The following DYNC1I1 variants were observed in gnomAD, a reference collection of about 807,000 sequenced individuals.
DYNC1I1 encodes the protein cytoplasmic dynein 1 intermediate chain 1.
DYNC1I1 carries 43 observed loss-of-function variants against 86.6 expected under a neutral mutation model. That is an observed-to-expected ratio of 0.50 (90% confidence interval 0.39 to 0.64). DYNC1I1 has a LOEUF of 0.64. DYNC1I1 is among the 30% of genes least tolerant of loss of function. The pLI is 0.00. For missense variants in DYNC1I1, 604 were observed against 788.8 expected (o/e 0.77, Z 2.81); for synonymous variants, 262 against 283.7 (o/e 0.92, Z 0.77).
chr7:95,867,840 C>A (rs1237973044), intron 5 of DYNC1I1, among the ~76,000 whole-genome samples: 1 of 152,212 alleles, frequency 6.6e-6, no homozygotes, highest in African/African-American at 2.4e-5. Flanking sequence ...CACTGGGCTA[C>A]TAAGCAGCGG....
At chr7:95,944,403 G>A (rs1426358468) in intron 6 of DYNC1I1, among the ~76,000 whole-genome samples, 1 of 152,180 alleles carries the variant, frequency 6.6e-6, no homozygotes, top group East Asian at 1.9e-4. Flanking sequence ...TGGAGAAATA[G>A]GAACACTTTT....
chr7:96,082,032 C>G (rs1451039698), intron 16 of DYNC1I1, among the ~76,000 whole-genome samples: 1 of 152,122 alleles, frequency 6.6e-6, no homozygotes, highest in Non-Finnish European at 1.5e-5. Context: ...TTAATATTGG[C>G]CCCAGTGGTG....
At chr7:96,053,159 C>T (rs567691284) in intron 14 of DYNC1I1, among the ~76,000 whole-genome samples, 3 of 152,172 alleles carry the variant, frequency 2.0e-5, no homozygotes, top group South Asian at 2.1e-4. Context: ...CATGAGGCTG[C>T]CCCGCCCAAT....
chr7:95,939,679 GC>G, intron 6 of DYNC1I1, among the ~76,000 whole-genome samples: 1 of 151,186 alleles, frequency 6.6e-6, no homozygotes, highest in East Asian at 1.9e-4. Flanking sequence ...TTTATTTTGA[GC>G]CTATGTGTGT....
At chr7:95,830,470 G>A (rs1261918378) in intron 5 of DYNC1I1, among the ~76,000 whole-genome samples, 1 of 152,072 alleles carries the variant, frequency 6.6e-6, no homozygotes, top group Non-Finnish European at 1.5e-5. Context: ...CATCCAGGAG[G>A]TACTCCTTTG....
intron 2 of DYNC1I1, among the ~76,000 whole-genome samples, chr7:95,809,990 A>G (rs1369843850): frequency 1.3e-5 from 2 of 152,166 alleles, no homozygotes; most frequent in African/African-American, 4.8e-5. Flanking sequence ...GGTTTGCACA[A>G]TCCCAAACAT....
intron 6 of DYNC1I1, among the ~76,000 whole-genome samples, chr7:95,963,480 G>T (rs947140334): frequency 2.6e-5 from 4 of 152,134 alleles, no homozygotes; most frequent in Non-Finnish European, 5.9e-5. Context: ...AATTTAGGTT[G>T]GATTGAGGAC....
intron 1 of DYNC1I1, among the ~76,000 whole-genome samples, chr7:95,801,720 C>G (rs1028379108): frequency 1.3e-5 from 2 of 152,156 alleles, no homozygotes; most frequent in African/African-American, 4.8e-5. Flanking sequence ...TAGATGGACC[C>G]TCATTGGTCA....
chr7:96,100,950 T>C (rs560178841), downstream of DYNC1I1, among the ~76,000 whole-genome samples: 1 of 152,266 alleles, frequency 6.6e-6, no homozygotes, highest in South Asian at 2.1e-4. Flanking sequence ...TGCAATGAGC[T>C]GGTGAGAGAG....
rs1270753440 is a variant in DYNC1I1, at chr7:95,870,013, T to A, written c.490+15T>A. 1 of 1,598,866 alleles carries A rather than the reference T, an allele frequency of 6.3e-7. No homozygotes were observed. Among genetic ancestry groups the A allele is most frequent in the African/African-American group, 1.3e-5 (1 of 74,344 alleles). On this transcript the variant is annotated intron_variant, in intron 6 of 16. Coordinates refer to ENST00000447467, the MANE Select transcript of DYNC1I1 (RefSeq NM_001135556.2). Reference sequence around the variant, plus strand: ...TCAGTCTGAAGGTAAACTATGTCTTTGGCTTACTTTCCATATTATCTCTGG... The same window carrying A: ...TCAGTCTGAAGGTAAACTATGTCTTAGGCTTACTTTCCATATTATCTCTGG...
chr7:95,934,519 T>C (rs1791987041), intron 6 of DYNC1I1, among the ~76,000 whole-genome samples: 1 of 152,170 alleles, frequency 6.6e-6, no homozygotes, highest in African/African-American at 2.4e-5. Context: ...TAAAATGGTA[T>C]GATAAATAGT....
intron 7 of DYNC1I1, among the ~76,000 whole-genome samples, chr7:95,983,371 A>G (rs1383151526): frequency 6.6e-6 from 1 of 152,202 alleles, no homozygotes; most frequent in Non-Finnish European, 1.5e-5. Flanking sequence ...CTTCTGCTAT[A>G]ATGGATGAAT....
intron 6 of DYNC1I1, among the ~76,000 whole-genome samples, chr7:95,883,061 C>G (rs1790497278): frequency 6.6e-6 from 1 of 152,122 alleles, no homozygotes; most frequent in Non-Finnish European, 1.5e-5. Flanking sequence ...TATTTTTACT[C>G]AAATTACTTG....
intron 7 of DYNC1I1, among the ~76,000 whole-genome samples, chr7:95,983,774 T>C (rs2115678309): frequency 6.6e-6 from 1 of 152,264 alleles, no homozygotes; most frequent in South Asian, 2.1e-4. Flanking sequence ...GGTGAGTGAT[T>C]CCACCAGAGG....
intron 6 of DYNC1I1, among the ~76,000 whole-genome samples, chr7:95,924,947 A>G (rs1177734570): frequency 6.6e-6 from 1 of 152,210 alleles, no homozygotes; most frequent in Non-Finnish European, 1.5e-5. Flanking sequence ...GACTCACCCA[A>G]GGACAGCCCT....
intron 10 of DYNC1I1, among the ~76,000 whole-genome samples, chr7:96,002,061 T>C (rs1464213587): frequency 6.6e-6 from 1 of 152,234 alleles, no homozygotes; most frequent in Non-Finnish European, 1.5e-5. Flanking sequence ...GACCCATTCA[T>C]TTGTTCATTC....
At chr7:95,791,270 G>T (rs968813278) in intron 1 of DYNC1I1, among the ~76,000 whole-genome samples, 3 of 152,106 alleles carry the variant, frequency 2.0e-5, no homozygotes, top group African/African-American at 7.2e-5. Context: ...GCTTAAATTT[G>T]CCTGCATCCT....
At chr7:95,865,449 C>T (rs910468919) in intron 5 of DYNC1I1, among the ~76,000 whole-genome samples, 2 of 152,098 alleles carry the variant, frequency 1.3e-5, no homozygotes, top group African/African-American at 4.8e-5. Flanking sequence ...CTGCCTCAAA[C>T]ATTTATTTAG....
intron 14 of DYNC1I1, among the ~76,000 whole-genome samples, chr7:96,040,547 G>T (rs1464715075): frequency 1.3e-5 from 2 of 152,080 alleles, no homozygotes; most frequent in Middle Eastern, 6.3e-3. Context: ...CTGGAGAACA[G>T]CAGGGGAAGG....
Sources: gnomAD v4.1 joint callset for allele counts (sites outside exome capture counted in the v4.1 genomes callset) on GRCh38, gnomAD v4.1.1 for gene constraint, MANE v1.5 for transcripts, NCBI Gene and HGNC (gene_info 2026-07-23, HGNC 2026-07-21) for gene names.